The following ZNF264 variants were observed in gnomAD, a reference collection of about 807,000 sequenced individuals.
ZNF264 encodes the protein zinc finger protein 264.
A neutral mutation model predicts 11.2 loss-of-function variants in ZNF264; 11 were observed. The observed-to-expected ratio is 0.98, with a 90% CI of 0.62 to 1.63. ZNF264 has a LOEUF of 1.63. Among genes scored for constraint, ZNF264 ranks in the 40% most tolerant of loss-of-function variants. ZNF264 has a pLI of 0.00. For synonymous variants in ZNF264, 309 were observed against 279.8 expected (o/e 1.10, Z -1.04); for missense variants, 752 against 768.1 (o/e 0.98, Z 0.25).
At chr19:57,195,044 A>C in intron 2 of ZNF264, 1 of 375,740 alleles carries the variant, frequency 2.7e-6, no homozygotes. Flanking sequence ...GAAGCCTTCA[A>C]CATGGGCCAG....
Position 57,211,825 on chromosome 19 carries a change from G to A in ZNF264, c.728G>A (p.Ser243Asn), listed in dbSNP as rs770793840. 2 of 1,614,150 alleles carry A rather than the reference G, an allele frequency of 1.2e-6. No homozygotes were observed. Among genetic ancestry groups the A allele is most frequent in the South Asian group, 2.2e-5 (2 of 91,084 alleles). ...CTECGKTFIKSTHLLQHHMIH... is the reference protein window; with the variant it reads ...CTECGKTFIKNTHLLQHHMIH... ...GAATGTGGGAAAACCTTTATTAAGA[G>A]CACACATCTCCTGCAACATCACATG... The change falls in exon 4 of 4, where the codon AGC becomes AAC. Residue 243 changes from serine (S) to asparagine (N), a missense_variant. Transcript: ENST00000263095.
At chr19:57,200,559 TC>T (rs1167492423) in intron 2 of ZNF264, among the ~76,000 whole-genome samples, 1 of 94,270 alleles carries the variant, frequency 1.1e-5, no homozygotes, top group East Asian at 2.3e-4. Context: ...GTGTCTTGTG[TC>T]TTGTCTTGTC....
chr19:57,213,840 A>C lies in ZNF264; in HGVS notation c.*859A>C, dbSNP rs1008967683. On this transcript the variant is annotated 3_prime_UTR_variant, in exon 4 of 4. Transcript: ENST00000263095. ...GTTGGGTCTTGTAGTTCATGAGTGC[A>C]GGAGTAGGCCTCTTAATTTATAATA... The C allele has an allele frequency of 6.6e-6, 1 of 152,220 alleles. No homozygotes were observed. Among genetic ancestry groups the C allele is most frequent in the Non-Finnish European group, 1.5e-5 (1 of 68,044 alleles). The allele number at this position is 152,220 out of a possible 1,614,324, so 9.4% of individuals were successfully genotyped here.
chr19:57,218,067 A>T lies in ZNF264; in HGVS notation c.*5086A>T, dbSNP rs2087393115. 1 of 151,926 alleles carries T rather than the reference A, an allele frequency of 6.6e-6. No homozygotes were observed. The highest frequency in any genetic ancestry group is 2.4e-5 in the African/African-American group (1 of 41,326). 9.4% of individuals were successfully genotyped at this position (151,926 alleles called of 1,614,324 possible). A position where few individuals can be genotyped will look rare whatever the true frequency, so the allele number is the denominator to read the frequency against. ...GCCTGTCGACCTCTTTACCCATTCC[A>T]TTGTTCATTCTTCTTTCTTGAAATC... On this transcript the variant is annotated 3_prime_UTR_variant, in exon 4 of 4. Transcript: ENST00000263095.
chr19:57,212,343 A>G lies in ZNF264; in HGVS notation c.1246A>G (p.Arg416Gly), dbSNP rs370684614. ...KAFNHRSYLK[R>G]HQRIHTGEKP... ...TTTCAACCACCGATCCTACCTCAAG[A>G]GGCACCAGCGGATTCACACTGGGGA... Residue 416 changes from arginine (R) to glycine (G), a missense_variant, in exon 4 of 4, where the codon AGG becomes GGG. Coordinates refer to ENST00000263095, the MANE Select transcript of ZNF264 (RefSeq NM_003417.5). 1.2e-6 allele frequency: 2 copies of G among 1,607,160 alleles called. No homozygotes were observed. The highest frequency in any genetic ancestry group is 1.7e-6 in the Non-Finnish European group (2 of 1,177,440).
intron 2 of ZNF264, among the ~76,000 whole-genome samples, chr19:57,200,015 A>T (rs1252346259): frequency 4.3e-5 from 2 of 46,364 alleles, no homozygotes; most frequent in African/African-American, 5.9e-4. Flanking sequence ...AAAAAAAAAA[A>T]GAAAAAATGA....
intron 2 of ZNF264, among the ~76,000 whole-genome samples, chr19:57,202,601 T>C (rs920314456): frequency 6.6e-6 from 1 of 151,846 alleles, no homozygotes; most frequent in Admixed American, 6.6e-5. Flanking sequence ...TGTTGATGTT[T>C]TGAAGCTTCC....
chr19:57,201,324 G>A (rs1433164212), intron 2 of ZNF264, among the ~76,000 whole-genome samples: 1 of 151,968 alleles, frequency 6.6e-6, no homozygotes, highest in Non-Finnish European at 1.5e-5. Context: ...AAGCTGGGGA[G>A]AGGAAGAGGT....
chr19:57,191,732 G>A lies in ZNF264; in HGVS notation c.-182G>A, dbSNP rs558881101. ...TCTCCAGGGGCGGCGCCCTGGGTCTGGAACGCGGTTGCCACCGAGGAGGCG... is the reference window on the plus strand; with the variant it reads ...TCTCCAGGGGCGGCGCCCTGGGTCTAGAACGCGGTTGCCACCGAGGAGGCG... On this transcript the variant is annotated 5_prime_UTR_variant, in exon 1 of 4. Transcript: ENST00000263095. 6.7e-4 allele frequency: 283 copies of A among 424,960 alleles called. No individual in the cohort carries two copies. Among genetic ancestry groups the A allele is most frequent in the African/African-American group, 4.1e-3 (198 of 48,738 alleles). The allele number at this position is 424,960 out of a possible 1,614,324, so 26.3% of individuals were successfully genotyped here.
Position 57,212,693 on chromosome 19 carries a change from C to A in ZNF264, c.1596C>A (p.Ile532=), listed in dbSNP as rs372147308. The change falls in exon 4 of 4, where the codon ATC becomes ATA. Residue 532 remains isoleucine, a synonymous_variant. Coordinates refer to ENST00000263095, the MANE Select transcript of ZNF264 (RefSeq NM_003417.5). ...CAAACCTCATTCGACATGCCATTAT[C>A]CACACTGGAGAGAAGCCCTATAAAT... ...WSTNLIRHAI[I]HTGEKPYKCS... is the part of the protein sequence containing the mutation. 6.2e-7 allele frequency: 1 copy of A among 1,613,994 alleles called. No homozygotes were observed. Among genetic ancestry groups the A allele is most frequent in the Admixed American group, 1.7e-5 (1 of 60,004 alleles).
At chr19:57,192,921 G>C (rs963670303) in intron 1 of ZNF264, among the ~76,000 whole-genome samples, 1 of 151,850 alleles carries the variant, frequency 6.6e-6, no homozygotes, top group African/African-American at 2.4e-5. Flanking sequence ...AGTAGAGACT[G>C]GGTTTCACCA....
chr19:57,204,217 C>CAAAA (rs34929108), intron 2 of ZNF264, among the ~76,000 whole-genome samples: 2 of 84,470 alleles, frequency 2.4e-5, no homozygotes. Context: ...GACTCCGTCT[C>CAAAA]AAAAAAAAAA....
At position 57,212,544 on chromosome 19, in the gene ZNF264, TATGAG is replaced by T. The variant is rs1444143385; in HGVS notation, c.1448_1452del (p.Tyr483LeufsTer22). The T allele has an allele frequency of 1.9e-6, 3 of 1,614,054 alleles. No individual in the cohort carries two copies. The highest frequency in any genetic ancestry group is 2.5e-6 in the Non-Finnish European group (3 of 1,180,028). ...CAGCATCCACACTGGAGAGAAGCCC[TATGAG>T]TGCGTGGAGTGTGGAAAGGCCTTCA... On this transcript the variant is annotated frameshift_variant, in exon 4 of 4. Coordinates refer to ENST00000263095, the MANE Select transcript of ZNF264 (RefSeq NM_003417.5). LOFTEE classifies it low-confidence loss of function (END_TRUNC).
chr19:57,205,488 T>TC lies in ZNF264; in HGVS notation c.254dup (p.Gly86ArgfsTer7), dbSNP rs763681226. ...AGGAAGACCTCTCCCAAGACACCTG[T>TC]CCAGGTAGGAGCCAAGATCTGGGCA... is the stretch of plus-strand genomic sequence containing the variant. On this transcript the variant is annotated frameshift_variant, in exon 3 of 4. Transcript: ENST00000263095. LOFTEE classifies it low-confidence loss of function (END_TRUNC). 3 of 1,608,174 alleles carry TC rather than the reference T, an allele frequency of 1.9e-6. No individual in the cohort carries two copies. Among genetic ancestry groups the TC allele is most frequent in the African/African-American group, 2.7e-5 (2 of 74,870 alleles).
rs946691509 is a variant in ZNF264 at position 57,215,893 on chromosome 19, G to T, written c.*2912G>T. On this transcript the variant is annotated 3_prime_UTR_variant, in exon 4 of 4. Coordinates refer to ENST00000263095, the MANE Select transcript of ZNF264 (RefSeq NM_003417.5). Reference sequence around the variant, plus strand: ...ACATTTTTTTATGACCCAGGATAGGGTCTATCTTGTTTCGTATAGCTGCTT... The same window carrying T: ...ACATTTTTTTATGACCCAGGATAGGTTCTATCTTGTTTCGTATAGCTGCTT... 2 of 152,094 alleles carry T rather than the reference G, an allele frequency of 1.3e-5. No homozygotes were observed. Among genetic ancestry groups the T allele is most frequent in the African/African-American group, 4.8e-5 (2 of 41,420 alleles). The allele number at this position is 152,094 out of a possible 1,614,324, so 9.4% of individuals were successfully genotyped here. A position where few individuals can be genotyped will look rare whatever the true frequency, so the allele number is the denominator to read the frequency against.
At chr19:57,193,039 C>A (rs73632781) in intron 1 of ZNF264, among the ~76,000 whole-genome samples, 1 of 148,772 alleles carries the variant, frequency 6.7e-6, no homozygotes, top group South Asian at 2.1e-4. Context: ...CCCACAGATA[C>A]GTTTTTCAGG....
At chr19:57,208,157 G>A (rs990814088) in intron 3 of ZNF264, among the ~76,000 whole-genome samples, 3 of 152,194 alleles carry the variant, frequency 2.0e-5, no homozygotes, top group African/African-American at 7.2e-5. Context: ...GCCCAGCCTC[G>A]AGTTTCTTAC....
At position 57,193,959 on chromosome 19, in the gene ZNF264, C is replaced by A; in HGVS notation, c.118C>A (p.Gln40Lys). Reference sequence around the variant, plus strand: ...GGACCTAGCTCAGCGGACCCTGTACCAGGAGGTGATGCTGGAAAACTGTGG... The same window carrying A: ...GGACCTAGCTCAGCGGACCCTGTACAAGGAGGTGATGCTGGAAAACTGTGG... ...QLDLAQRTLY[Q>K]EVMLENCGLL... Residue 40 changes from glutamine to lysine, a missense_variant, in exon 2 of 4, where the codon CAG (glutamine) becomes AAG (lysine). Coordinates refer to ENST00000263095, the MANE Select transcript of ZNF264 (RefSeq NM_003417.5). The A allele has an allele frequency of 6.2e-7, 1 of 1,613,594 alleles. No homozygotes were observed. Among genetic ancestry groups the A allele is most frequent in the East Asian group, 2.2e-5 (1 of 44,812 alleles).
chr19:57,193,562 T>C, intron 1 of ZNF264: 2 of 983,814 alleles, frequency 2.0e-6, no homozygotes, highest in African/African-American at 1.7e-5. Context: ...GTAACCATTA[T>C]TGCTATTATT....
Sources: gnomAD v4.1 joint callset for allele counts (sites outside exome capture counted in the v4.1 genomes callset) on GRCh38, gnomAD v4.1.1 for gene constraint, MANE v1.5 for transcripts, NCBI Gene and HGNC (gene_info 2026-07-23, HGNC 2026-07-21) for gene names.